Variants in FAM114A1 observed in about 807,000 individuals in gnomAD.
FAM114A1 encodes protein NOXP20.
A neutral mutation model predicts 64.3 loss-of-function variants in FAM114A1; 62 were observed. That is an observed-to-expected ratio of 0.96 (90% CI 0.79 to 1.19). The LOEUF (loss-of-function observed/expected upper bound fraction) is 1.19, where lower values mean the gene tolerates loss of function less well. FAM114A1 is among the 50% of genes most tolerant of loss of function. The probability of loss-of-function intolerance (pLI) is 0.00; values close to 1 mark genes in which losing one functional copy is unlikely to be tolerated. For synonymous variants in FAM114A1, 254 were observed against 251.1 expected (o/e 1.01, Z -0.11); for missense variants, 645 against 676.3 (o/e 0.95, Z 0.51).
chr4:38,932,182 TA>T (rs2109787720), intron 11 of FAM114A1, 52 bp from the exon 12 acceptor site: 2 of 1,545,282 alleles, frequency 1.3e-6, no homozygotes, highest in East Asian at 2.3e-5. Flanking sequence ...AGCATTTTTT[TA>T]AAAAAGCATC....
chr4:38,906,632 T>G (rs1337038139), intron 6 of FAM114A1, among the ~76,000 whole-genome samples: 1 of 152,188 alleles, frequency 6.6e-6, no homozygotes, highest in African/African-American at 2.4e-5. Context: ...CATCCCTGAT[T>G]CAAGTGATTC....
rs1397088652 is a variant in FAM114A1, at chr4:38,945,537, C to T, written c.*1980C>T. 5 of 152,170 alleles carry T rather than the reference C, an allele frequency of 3.3e-5. No individual in the cohort carries two copies. Among genetic ancestry groups the T allele is most frequent in the African/African-American group, 4.8e-5 (2 of 41,444 alleles). 9.4% of individuals were successfully genotyped at this position (152,170 alleles called of 1,614,324 possible). ...CTTATTCACATTTGCTTTGATTCCC[C>T]GATGGAGTAGACTGCCTTTGTTCCA... On this transcript the variant is annotated 3_prime_UTR_variant, in exon 15 of 15. Coordinates refer to ENST00000358869, the MANE Select transcript of FAM114A1 (RefSeq NM_138389.4).
rs74977457 is a variant in FAM114A1, at chr4:38,903,664, C to G, written c.437-1858C>G. ...GTGTTATTGAAACTTCAATAAGTTT[C>G]CATTGAAATGCTTGAAATTCATTGG... is the stretch of plus-strand genomic sequence containing the variant. On this transcript the variant is annotated intron_variant, in intron 4 of 14. Transcript: ENST00000358869. Among the ~76,000 whole-genome samples, 366 of 152,168 alleles carry G rather than the reference C, an allele frequency of 2.4e-3. 7 individuals carry two copies. In the East Asian group the frequency reaches 0.052, roughly 22 times the overall value.
At position 38,922,874 on chromosome 4, in the gene FAM114A1, A is replaced by G. The variant is rs767674924; in HGVS notation, c.1050A>G (p.Glu350=). ...DIFAAKELEN[E]ENQEEQGLEE... ...TTGCAGCCAAAGAATTAGAGAATGA[A>G]GAAAATCAAGAAGAACAAGGTAAAG... The change falls in exon 9 of 15, where the codon GAA becomes GAG. Residue 350 remains glutamate, a synonymous_variant. Coordinates refer to ENST00000358869, the MANE Select transcript of FAM114A1 (RefSeq NM_138389.4). The G allele has an allele frequency of 5.3e-5, 86 of 1,611,110 alleles. 1 individual carries two copies. Among genetic ancestry groups the G allele is most frequent in the Non-Finnish European group, 6.5e-5 (77 of 1,179,318 alleles).
intron 4 of FAM114A1, among the ~76,000 whole-genome samples, chr4:38,902,146 C>CTGAT (rs1717580130): frequency 6.6e-6 from 1 of 152,306 alleles, no homozygotes; most frequent in Admixed American, 6.5e-5. Flanking sequence ...GCCTTTGTCA[C>CTGAT]TGATTGGCTT....
intron 7 of FAM114A1, among the ~76,000 whole-genome samples, chr4:38,909,884 T>G (rs1179304087): frequency 6.6e-6 from 1 of 152,176 alleles, no homozygotes; most frequent in Non-Finnish European, 1.5e-5. Context: ...GATGTTATAG[T>G]CCAGGGAGGG....
At chr4:38,894,361 A>G (rs972274509) in intron 4 of FAM114A1, among the ~76,000 whole-genome samples, 1 of 152,158 alleles carries the variant, frequency 6.6e-6, no homozygotes, top group African/African-American at 2.4e-5. Flanking sequence ...ATAAATTGTG[A>G]TGGTTCGCAT....
chr4:38,943,751 T>G lies in FAM114A1; in HGVS notation c.*194T>G. On this transcript the variant is annotated 3_prime_UTR_variant, in exon 15 of 15. Coordinates refer to ENST00000358869, the MANE Select transcript of FAM114A1 (RefSeq NM_138389.4). ...TTCTCTCAATGTGTATAATTGTTTT[T>G]ACAAACAATTGTGTTTTCTTTATGT... 1 of 447,672 alleles carries G rather than the reference T, an allele frequency of 2.2e-6. No individual in the cohort carries two copies. Among genetic ancestry groups the G allele is most frequent in the South Asian group, 4.2e-5 (1 of 23,630 alleles). 27.7% of individuals were successfully genotyped at this position (447,672 alleles called of 1,614,324 possible).
At chr4:38,910,995 A>G (rs1418934744) in intron 7 of FAM114A1, among the ~76,000 whole-genome samples, 1 of 152,174 alleles carries the variant, frequency 6.6e-6, no homozygotes, top group African/African-American at 2.4e-5. Context: ...TAACAGGACC[A>G]CTCTGGTTCC....
intron 8 of FAM114A1, among the ~76,000 whole-genome samples, chr4:38,916,551 C>G (rs9761781): frequency 6.6e-6 from 1 of 151,924 alleles, no homozygotes; most frequent in Non-Finnish European, 1.5e-5. Flanking sequence ...CTCAGCAAAC[C>G]AACACAAGAA....
At chr4:38,874,553 A>G (rs1023859031) in intron 2 of FAM114A1, among the ~76,000 whole-genome samples, 3 of 152,150 alleles carry the variant, frequency 2.0e-5, no homozygotes, top group Admixed American at 1.3e-4. Flanking sequence ...TTCCTTACAG[A>G]TTCTGGATAT....
At chr4:38,919,504 G>A (rs989846253) in intron 8 of FAM114A1, among the ~76,000 whole-genome samples, 4 of 152,210 alleles carry the variant, frequency 2.6e-5, no homozygotes, top group Admixed American at 2.6e-4. Context: ...CTAGGGAAGA[G>A]TTCCATGCAG....
chr4:38,916,014 A>G (rs1235732319), intron 8 of FAM114A1, among the ~76,000 whole-genome samples: 1 of 152,178 alleles, frequency 6.6e-6, no homozygotes, highest in Admixed American at 6.5e-5. Context: ...TCCCTAGACA[A>G]GAAGCTCAAT....
chr4:38,940,721 C>T (rs1283814439), intron 13 of FAM114A1, among the ~76,000 whole-genome samples: 1 of 152,162 alleles, frequency 6.6e-6, no homozygotes, highest in Non-Finnish European at 1.5e-5. Context: ...CCTTTCTGAT[C>T]CCTATTCTCT....
At chr4:38,941,354 G>A (rs919955687) in intron 14 of FAM114A1, among the ~76,000 whole-genome samples, 1 of 152,258 alleles carries the variant, frequency 6.6e-6, no homozygotes, top group South Asian at 2.1e-4. Flanking sequence ...AGGGATTATT[G>A]CTCATCGGTG....
chr4:38,926,875 C>A (rs1720156119), intron 9 of FAM114A1, among the ~76,000 whole-genome samples: 1 of 152,154 alleles, frequency 6.6e-6, no homozygotes, highest in Non-Finnish European at 1.5e-5. Flanking sequence ...TCACCTCCTC[C>A]AGGAACCCTG....
At chr4:38,869,392 A>G (rs1713791387) in intron 2 of FAM114A1, among the ~76,000 whole-genome samples, 1 of 152,248 alleles carries the variant, frequency 6.6e-6, no homozygotes, top group Non-Finnish European at 1.5e-5. Flanking sequence ...GAACCAGCGT[A>G]AGCAAAGGCA....
chr4:38,870,785 G>A (rs1057231651), intron 2 of FAM114A1, among the ~76,000 whole-genome samples: 3 of 152,180 alleles, frequency 2.0e-5, no homozygotes, highest in African/African-American at 7.2e-5. Context: ...TGCTTGTCAT[G>A]ACTGTAATCC....
chr4:38,931,628 A>G lies in FAM114A1; in HGVS notation c.1323+16A>G, dbSNP rs184703583. 2 of 1,606,472 alleles carry G rather than the reference A, an allele frequency of 1.2e-6. No homozygotes were observed. The highest frequency in any genetic ancestry group is 8.5e-7 in the Non-Finnish European group (1 of 1,177,070). On this transcript the variant is annotated intron_variant, in intron 11 of 14. Coordinates refer to ENST00000358869, the MANE Select transcript of FAM114A1 (RefSeq NM_138389.4). The stretch of plus-strand genomic sequence containing the variant: ...GACCATAGAGGTAAATTCATTCTAG[A>G]TTGTCTGCCTACAAGGTAATAAGAG...
Sources: allele counts gnomAD v4.1 joint callset (sites outside exome capture counted in the v4.1 genomes callset), GRCh38; gene constraint gnomAD v4.1.1; transcripts MANE v1.5; gene names NCBI Gene and HGNC (gene_info 2026-07-23, HGNC 2026-07-21).